SLC2A14: variants seen among roughly 807,000 people sequenced by gnomAD.
The protein encoded by SLC2A14 is solute carrier family 2 member 14, also known as solute carrier family 2, facilitated glucose transporter member 14.
Under a neutral mutation model 43.0 loss-of-function variants are expected in SLC2A14, and 13 were observed. That is an observed-to-expected ratio of 0.30 (90% CI 0.20 to 0.48). The LOEUF is 0.48. Ranked by LOEUF, SLC2A14 falls within the 20% of genes least tolerant of loss-of-function variation. SLC2A14 has a pLI of 0.99. For missense variants in SLC2A14, 428 were observed against 620.4 expected, an observed-to-expected ratio of 0.69 and a Z score of 3.29; for synonymous variants, 190 against 233.8, an observed-to-expected ratio of 0.81 and a Z score of 1.71.
At position 7,817,747 on chromosome 12, in the gene SLC2A14, T is replaced by TAGATAGATAGATAG. The variant is rs60882988; in HGVS notation, c.1275+83_1275+84insCTATCTATCTATCT. ...CGAGACTCAGTCTCAAAAATATATA[T>TAGATAGATAGATAG]ATATATAGATAGATAGATAGATAGA... On this transcript the variant is annotated intron_variant, in intron 10 of 10. Coordinates refer to ENST00000431042, the MANE Select transcript of SLC2A14 (RefSeq NM_001286234.2). 5.3e-5 allele frequency: 56 copies of TAGATAGATAGATAG among 1,052,638 alleles called. No individual in the cohort carries two copies. The African/African-American group carries it at 6.5e-4, about 12-fold the overall frequency. 65.2% of individuals were successfully genotyped at this position (1,052,638 alleles called of 1,614,324 possible).
intron 1 of SLC2A14, among the ~76,000 whole-genome samples, chr12:7,886,405 C>A (rs374392384): frequency 6.6e-6 from 1 of 150,848 alleles, no homozygotes; most frequent in African/African-American, 2.4e-5. Flanking sequence ...CAGAGTTTTT[C>A]TTTGTTGCCC....
Position 7,825,420 on chromosome 12 carries a change from A to G in SLC2A14, c.864+2075T>C, listed in dbSNP as rs1467704492. ...GGTTGCTATGAGCTGATATTGCGCT[A>G]CTGCACTCTAGCCTGGGCGACAGAG... On this transcript the variant is annotated intron_variant, in intron 7 of 10. Coordinates refer to ENST00000431042, the MANE Select transcript of SLC2A14 (RefSeq NM_001286234.2). Among the ~76,000 whole-genome samples the G allele has an allele frequency of 2.1e-5, 3 of 141,920 alleles. 1 individual carries two copies. In the Admixed American group the frequency reaches 2.3e-4, roughly 11 times the overall value. The allele number at this position is 141,920 out of a possible 152,430, so 93.1% of individuals were successfully genotyped here.
At position 7,870,908 on chromosome 12, in the gene SLC2A14, G is replaced by A. The variant is rs976245393; in HGVS notation, c.-57-971C>T. ...CCAAGAAGCGACCACAGCACAAGGG[G>A]CCACATCCAATGTCTTCGTGATGTT... On this transcript the variant is annotated intron_variant, in intron 1 of 10. Transcript: ENST00000431042. 1.2e-5 allele frequency: 17 copies of A among 1,397,128 alleles called. 1 individual carries two copies. The Admixed American group carries it at 1.8e-4, about 14-fold the overall frequency. 86.5% of individuals were successfully genotyped at this position (1,397,128 alleles called of 1,614,324 possible).
Position 7,842,558 on chromosome 12 carries a change from C to G in SLC2A14, c.19-9744G>C, listed in dbSNP as rs776156354. 3.3e-4 allele frequency among the ~76,000 whole-genome samples: 50 copies of G among 151,936 alleles called. 2 individuals carry two copies. In the South Asian group the frequency reaches 9.5e-3, roughly 29 times the overall value. ...GAAGACAGTTCTTTGAGTTCCTTAA[C>G]TTTTCTCTAGCAGTGCTCTAAAGCT... On this transcript the variant is annotated intron_variant, in intron 2 of 10. Coordinates refer to ENST00000431042, the MANE Select transcript of SLC2A14 (RefSeq NM_001286234.2).
chr12:7,861,669 T>C (rs1238335453), intron 2 of SLC2A14, among the ~76,000 whole-genome samples: 1 of 151,732 alleles, frequency 6.6e-6, no homozygotes, highest in Non-Finnish European at 1.5e-5. Flanking sequence ...AAACTTTAAC[T>C]GAAAAAAAAC....
intron 1 of SLC2A14, among the ~76,000 whole-genome samples, chr12:7,888,073 T>A (rs1945715823): frequency 1.3e-5 from 2 of 152,086 alleles, no homozygotes; most frequent in Admixed American, 1.3e-4. Context: ...GAATCAGGGC[T>A]TTTGCCACCA....
chr12:7,851,326 C>A (rs1383171846), intron 2 of SLC2A14, among the ~76,000 whole-genome samples: 1 of 152,138 alleles, frequency 6.6e-6, no homozygotes, highest in Non-Finnish European at 1.5e-5. Flanking sequence ...ACCAATGCAT[C>A]TGAAGTAGTC....
Position 7,817,840 on chromosome 12 carries a change from G to C in SLC2A14, c.1266C>G (p.Pro422=), listed in dbSNP as rs766846178. The change falls in exon 10 of 11, where the codon CCC becomes CCG. Residue 422 remains proline, a synonymous_variant. Coordinates refer to ENST00000431042, the MANE Select transcript of SLC2A14 (RefSeq NM_001286234.2). ...TSNFLVGLLF[P]SAAYYLGAYV... The stretch of plus-strand genomic sequence containing the variant: ...AGGTGAGTTTACTTACAGCAGCAGA[G>C]GGGAAGAGCAATCCGACTAGGAAGT... 6.2e-7 allele frequency: 1 copy of C among 1,613,966 alleles called. No individual in the cohort carries two copies. Among genetic ancestry groups the C allele is most frequent in the Admixed American group, 1.7e-5 (1 of 59,988 alleles).
At position 7,880,710 on chromosome 12, in the gene SLC2A14, AAAAAGAG is replaced by A. The variant is rs761933579; in HGVS notation, c.132+10279_132+10285del. Reference sequence around the variant, plus strand: ...GGTCTCAAAAAAAAAAAAAAAAAAAAAAAAGAGAGAAATTGGCCGGGCGCAGTGGCTC... The same window carrying A: ...GGTCTCAAAAAAAAAAAAAAAAAAAAAGAAATTGGCCGGGCGCAGTGGCTC... On this transcript the variant is annotated intron_variant, in intron 1 of 9. Transcript: ENST00000539924. Among the ~76,000 whole-genome samples the A allele has an allele frequency of 2.5e-4, 14 of 56,096 alleles. 1 individual carries two copies. In the Admixed American group the frequency reaches 4.1e-3, roughly 16 times the overall value. 36.8% of individuals were successfully genotyped at this position (56,096 alleles called of 152,430 possible).
chr12:7,839,737 C>T (rs979352091), intron 2 of SLC2A14: 1 of 422,072 alleles, frequency 2.4e-6, no homozygotes, highest in Non-Finnish European at 4.6e-6. Flanking sequence ...GTGACTGAGT[C>T]ATGAGGGCTC....
intron 7 of SLC2A14, among the ~76,000 whole-genome samples, chr12:7,826,859 T>C (rs1333164636): frequency 1.9e-4 from 2 of 10,734 alleles, no homozygotes; most frequent in Non-Finnish European, 5.1e-4. Context: ...CCTTCCTTTC[T>C]TTTTTCTTTC....
intron 1 of SLC2A14, among the ~76,000 whole-genome samples, chr12:7,881,074 G>A (rs1234815471): frequency 6.6e-6 from 1 of 152,154 alleles, no homozygotes; most frequent in Non-Finnish European, 1.5e-5. Flanking sequence ...GGGAGGCGGA[G>A]GTTGCAGTAA....
chr12:7,849,938 T>A (rs1592246537), intron 2 of SLC2A14, among the ~76,000 whole-genome samples: 1 of 144,124 alleles, frequency 6.9e-6, no homozygotes. Flanking sequence ...GTCTACAAAA[T>A]GCACAACACT....
intron 2 of SLC2A14, among the ~76,000 whole-genome samples, chr12:7,861,961 C>CAAA (rs398018322): frequency 0.016 from 2,175 of 132,140 alleles, 39 homozygotes; most frequent in Middle Eastern, 0.029. Context: ...GACTCCATTT[C>CAAA]AAAAAAAAAA....
chr12:7,870,738 A>G (rs1245724683), intron 1 of SLC2A14: 2 of 550,530 alleles, frequency 3.6e-6, no homozygotes, highest in Admixed American at 9.2e-5. Flanking sequence ...GTCAAACCAA[A>G]AAAAACCTCA....
At chr12:7,889,572 G>C (rs1464432965) in intron 1 of SLC2A14, among the ~76,000 whole-genome samples, 2 of 146,030 alleles carry the variant, frequency 1.4e-5, no homozygotes, top group African/African-American at 5.1e-5. Flanking sequence ...TTTTGCTCTT[G>C]TTGCCCAGGC....
At chr12:7,881,288 C>A (rs920472562) in intron 1 of SLC2A14, among the ~76,000 whole-genome samples, 9 of 151,936 alleles carry the variant, frequency 5.9e-5, no homozygotes, top group African/African-American at 1.9e-4. Context: ...GGGAGAGGCG[C>A]GGGCGGGAAC....
intron 2 of SLC2A14, among the ~76,000 whole-genome samples, chr12:7,836,993 C>T (rs1051267424): frequency 6.6e-6 from 1 of 151,198 alleles, no homozygotes; most frequent in African/African-American, 2.4e-5. Context: ...ATAGTGAAAC[C>T]CCATCTCTAA....
At chr12:7,874,936 ATTT>A (rs1565585160), upstream of SLC2A14, among the ~76,000 whole-genome samples, 14 of 22,770 alleles carry the variant, frequency 6.1e-4, no homozygotes, top group Non-Finnish European at 9.3e-4. Flanking sequence ...TTTATATATA[ATTT>A]ATATATAAAT....
Sources: allele counts gnomAD v4.1 joint callset (sites outside exome capture counted in the v4.1 genomes callset), GRCh38; gene constraint gnomAD v4.1.1; transcripts MANE v1.5; gene names NCBI Gene and HGNC (gene_info 2026-07-23, HGNC 2026-07-21).